Variants in CADM2 observed in about 807,000 individuals in gnomAD.
The protein encoded by CADM2 is cell adhesion molecule 2.
CADM2 carries 12 observed loss-of-function variants against 49.8 expected under a neutral mutation model. That is an observed-to-expected ratio of 0.24 (90% CI 0.15 to 0.39). The LOEUF is 0.39. Among genes scored for constraint, CADM2 ranks in the 10% least tolerant of loss-of-function variants. The probability of loss-of-function intolerance (pLI) is 1.00; values close to 1 mark genes in which losing one functional copy is unlikely to be tolerated. For missense variants in CADM2, 378 were observed against 492.3 expected (o/e 0.77, Z 2.20); for synonymous variants, 214 against 175.4 (o/e 1.22, Z -1.74).
At chr3:85,267,468 G>T (rs1288030603) in intron 1 of CADM2, among the ~76,000 whole-genome samples, 1 of 151,648 alleles carries the variant, frequency 6.6e-6, no homozygotes, top group African/African-American at 2.4e-5. Context: ...CATCCTCCCA[G>T]AGCAGAAACC....
In CADM2 at chr3:85,579,434, G is replaced by C. The variant is rs146724399; in HGVS notation, c.62-147088G>C. 3.4e-3 allele frequency among the ~76,000 whole-genome samples: 517 copies of C among 152,184 alleles called. 2 individuals carry two copies. The Middle Eastern group carries it at 0.037, about 11-fold the overall frequency. On this transcript the variant is annotated intron_variant, in intron 1 of 9. Transcript: ENST00000383699. ...TGTGCATGCAACAGCATCCTAATGG[G>C]TCTTTGTGACCAGCAATTTCAACAT...
intron 3 of CADM2, among the ~76,000 whole-genome samples, chr3:85,867,492 G>T (rs556465793): frequency 6.6e-6 from 1 of 151,964 alleles, no homozygotes. Flanking sequence ...CATTTATGCT[G>T]TTGCCAGTCT....
At chr3:85,429,308 C>T (rs556619512) in intron 1 of CADM2, among the ~76,000 whole-genome samples, 1 of 152,086 alleles carries the variant, frequency 6.6e-6, no homozygotes, top group African/African-American at 2.4e-5. Flanking sequence ...TGTTAGAAAG[C>T]ATTTTATGCC....
chr3:85,161,848 C>G lies in CADM2; in HGVS notation c.61+202180C>G, dbSNP rs963520130. On this transcript the variant is annotated intron_variant, in intron 1 of 9. Coordinates refer to ENST00000383699, the MANE Select transcript of CADM2 (RefSeq NM_001167675.2). ...GTCTGGCCAACATGGTGAAACCCAT[C>G]TCTACTAAGGAAACAAAAATTAGCC... Among the ~76,000 whole-genome samples the G allele has an allele frequency of 1.1e-4, 17 of 152,086 alleles. 1 individual carries two copies. The South Asian group carries it at 1.2e-3, about 11-fold the overall frequency.
intron 1 of CADM2, among the ~76,000 whole-genome samples, chr3:85,141,461 A>G (rs543133589): frequency 1.3e-5 from 2 of 152,304 alleles, no homozygotes; most frequent in South Asian, 4.1e-4. Context: ...TAGTGATAGT[A>G]GTGGTTTTAT....
At chr3:85,806,970 G>T (rs1483825577) in intron 3 of CADM2, among the ~76,000 whole-genome samples, 1 of 152,116 alleles carries the variant, frequency 6.6e-6, no homozygotes, top group African/African-American at 2.4e-5. Context: ...GAAAAAATAA[G>T]ACCTAACAAT....
At chr3:85,936,153 G>A (rs1721166884) in intron 7 of CADM2, among the ~76,000 whole-genome samples, 1 of 151,608 alleles carries the variant, frequency 6.6e-6, no homozygotes, top group Admixed American at 6.6e-5. Context: ...TATCATCAGA[G>A]TATAAAAGCA....
intron 1 of CADM2, among the ~76,000 whole-genome samples, chr3:85,377,290 C>A (rs1411300337): frequency 6.6e-6 from 1 of 152,014 alleles, no homozygotes; most frequent in Non-Finnish European, 1.5e-5. Context: ...GCCTGTGTTC[C>A]CAAGATAGCG....
intron 7 of CADM2, among the ~76,000 whole-genome samples, chr3:85,942,110 C>T (rs1019449977): frequency 6.6e-6 from 1 of 151,854 alleles, no homozygotes; most frequent in Non-Finnish European, 1.5e-5. Flanking sequence ...TTTTTGTTTA[C>T]CCAGTGTTTT....
At chr3:85,264,997 A>C (rs1282962212) in intron 1 of CADM2, among the ~76,000 whole-genome samples, 1 of 151,972 alleles carries the variant, frequency 6.6e-6, no homozygotes, top group Non-Finnish European at 1.5e-5. Context: ...CTGAGCTATG[A>C]GTTTATTCAT....
chr3:85,791,413 C>CT (rs1487304106), intron 2 of CADM2, among the ~76,000 whole-genome samples: 2 of 151,814 alleles, frequency 1.3e-5, no homozygotes, highest in Non-Finnish European at 2.9e-5. Context: ...TATTTTTAGA[C>CT]TCTAATTTAG....
chr3:85,391,061 G>A (rs12631345), intron 1 of CADM2, among the ~76,000 whole-genome samples: 117,746 of 151,850 alleles, frequency 0.78, 47,806 homozygotes, highest in East Asian at 0.95. Context: ...GCTAGGAGAA[G>A]ATCCAGAGGC....
chr3:85,690,334 A>T (rs2066343819), intron 1 of CADM2, among the ~76,000 whole-genome samples: 1 of 145,530 alleles, frequency 6.9e-6, no homozygotes, highest in African/African-American at 2.4e-5. Context: ...AAAAGTTTAG[A>T]CTTTACTGTT....
At chr3:84,963,774 G>T (rs964141192) in intron 1 of CADM2, among the ~76,000 whole-genome samples, 1 of 152,074 alleles carries the variant, frequency 6.6e-6, no homozygotes, top group African/African-American at 2.4e-5. Context: ...TACACTTAAT[G>T]AAATACTTAC....
At chr3:85,005,126 T>G (rs1256968291) in intron 1 of CADM2, among the ~76,000 whole-genome samples, 1 of 152,142 alleles carries the variant, frequency 6.6e-6, no homozygotes, top group Non-Finnish European at 1.5e-5. Flanking sequence ...ATAGGACATC[T>G]AACTTGTACC....
intron 1 of CADM2, among the ~76,000 whole-genome samples, chr3:85,630,662 A>T (rs2107520679): frequency 6.6e-6 from 1 of 152,228 alleles, no homozygotes; most frequent in African/African-American, 2.4e-5. Context: ...GCTCTACATT[A>T]GGAGAAAATG....
rs541473949 is a variant in CADM2 at position 85,340,713 on chromosome 3, A to G, written c.61+381045A>G. On this transcript the variant is annotated intron_variant, in intron 1 of 9. Transcript: ENST00000383699. ...AATATTTAGGCTTTACCTCTTTAAA[A>G]GAATTGCTGGCAGCATTGGAAATGT... 1.1e-4 allele frequency among the ~76,000 whole-genome samples: 16 copies of G among 151,812 alleles called. No homozygotes were observed. In the South Asian group the frequency reaches 3.1e-3, roughly 29 times the overall value.
chr3:85,462,280 T>C (rs1172713115), intron 1 of CADM2, among the ~76,000 whole-genome samples: 2 of 152,206 alleles, frequency 1.3e-5, no homozygotes, highest in African/African-American at 4.8e-5. Context: ...CATGTGAATT[T>C]AACTCTAATG....
intron 1 of CADM2, among the ~76,000 whole-genome samples, chr3:85,006,263 G>A (rs2033721759): frequency 6.6e-6 from 1 of 152,010 alleles, no homozygotes; most frequent in African/African-American, 2.4e-5. Context: ...ATAATCAAAG[G>A]GCATAATTTG....
Sources: allele counts gnomAD v4.1 joint callset (sites outside exome capture counted in the v4.1 genomes callset), GRCh38; gene constraint gnomAD v4.1.1; transcripts MANE v1.5; gene names NCBI Gene and HGNC (gene_info 2026-07-23, HGNC 2026-07-21).